The following PUM3 variants were observed in gnomAD, a reference collection of about 807,000 sequenced individuals.
The protein encoded by PUM3 is pumilio RNA binding family member 3, also known as pumilio homolog 3.
A neutral mutation model predicts 84.0 loss-of-function variants in PUM3; 91 were observed. The ratio of observed to expected loss-of-function variants is 1.08; its 90% CI spans 0.91 to 1.29. PUM3 has a LOEUF of 1.29. Among genes scored for constraint, PUM3 ranks in the 50% most tolerant of loss-of-function variants. The probability of loss-of-function intolerance (pLI) is 0.00; values close to 1 mark genes in which losing one functional copy is unlikely to be tolerated. For synonymous variants in PUM3, 321 were observed against 266.7 expected, an observed-to-expected ratio of 1.20 and a Z score of -1.98; for missense variants, 1,067 against 767.5, an observed-to-expected ratio of 1.39 and a Z score of -4.61.
rs140594186 is a variant in PUM3, at chr9:2,838,350, C to T, written c.82+76G>A. The stretch of plus-strand genomic sequence containing the variant: ...TAATCCTAATCCTAGCCAATGAATA[C>T]AGATTGAAATTTACTACATGCCCTC... On this transcript the variant is annotated intron_variant, in intron 2 of 17. Transcript: ENST00000397885. 283 of 947,714 alleles carry T rather than the reference C, an allele frequency of 3.0e-4. 1 individual carries two copies. The African/African-American group carries it at 4.0e-3, about 13-fold the overall frequency. 58.7% of individuals were successfully genotyped at this position (947,714 alleles called of 1,614,324 possible). A position where few individuals can be genotyped will look rare whatever the true frequency, so the allele number is the denominator to read the frequency against.
intron 7 of PUM3, among the ~76,000 whole-genome samples, chr9:2,830,685 G>C (rs961595913): frequency 2.0e-5 from 3 of 152,132 alleles, no homozygotes; most frequent in Non-Finnish European, 4.4e-5. Context: ...CAAATCAGAA[G>C]GTGAGGGTAT....
chr9:2,843,285 G>T (rs1017972519), intron 1 of PUM3, among the ~76,000 whole-genome samples: 3 of 151,986 alleles, frequency 2.0e-5, no homozygotes, highest in Non-Finnish European at 2.9e-5. Flanking sequence ...CAGGAACTTA[G>T]CCCATTATCG....
chr9:2,808,037 CCTTTT>C, intron 16 of PUM3, 133 bp from the exon 17 acceptor site: 1 of 606,246 alleles, frequency 1.6e-6, no homozygotes, highest in Admixed American at 3.1e-5. Flanking sequence ...ACCCAATCTC[CCTTTT>C]AACACAAAAA....
At chr9:2,834,878 T>G (rs544631911) in intron 3 of PUM3, among the ~76,000 whole-genome samples, 57 of 152,234 alleles carry the variant, frequency 3.7e-4, no homozygotes, top group African/African-American at 1.3e-3. Context: ...AACTTACCAA[T>G]TGAACTAATG....
At chr9:2,819,667 T>TTA (rs1384838338) in intron 13 of PUM3, among the ~76,000 whole-genome samples, 1 of 152,206 alleles carries the variant, frequency 6.6e-6, no homozygotes, top group African/African-American at 2.4e-5. Flanking sequence ...AACTAAGGAA[T>TTA]TACTATGCTA....
chr9:2,804,960 A>G (rs563374722), intron 17 of PUM3, among the ~76,000 whole-genome samples: 2 of 152,072 alleles, frequency 1.3e-5, no homozygotes, highest in South Asian at 4.2e-4. Context: ...TTCTCACTGA[A>G]CTCCACAGCA....
intron 13 of PUM3, among the ~76,000 whole-genome samples, chr9:2,818,928 A>C (rs374690685): frequency 1.3e-5 from 2 of 152,330 alleles, no homozygotes; most frequent in African/African-American, 2.4e-5. Flanking sequence ...AGAGACCACA[A>C]CACCACCACC....
In PUM3 at chr9:2,804,433, T is replaced by G; in HGVS notation, c.1845A>C (p.Ala615=). 6.2e-7 allele frequency: 1 copy of G among 1,614,066 alleles called. No homozygotes were observed. The highest frequency in any genetic ancestry group is 2.2e-5 in the East Asian group (1 of 44,874). The part of the protein sequence containing the change: ...SLLQSCDLEV[A]NKVKAALKSL... ...TTTTCAGTGCAGCTTTGACTTTGTT[T>G]GCAACTTCCAGGTCACAACTCTGGA... is the stretch of plus-strand genomic sequence containing the variant. Residue 615 remains alanine, a synonymous_variant, in exon 18 of 18, where the codon GCA becomes GCC. Transcript: ENST00000397885.
chr9:2,833,275 T>C (rs1816031058), intron 5 of PUM3, 82 bp downstream of exon 5: 3 of 631,302 alleles, frequency 4.8e-6, no homozygotes, highest in Admixed American at 6.2e-5. Flanking sequence ...GATAAGATCA[T>C]CTGTCATGAA....
chr9:2,829,573 A>T (rs1419994144), intron 8 of PUM3, among the ~76,000 whole-genome samples: 1 of 152,242 alleles, frequency 6.6e-6, no homozygotes, highest in South Asian at 2.1e-4. Flanking sequence ...GGGGATTTAA[A>T]GCCAATGCTC....
At position 2,843,448 on chromosome 9, in the gene PUM3, G is replaced by GTT. The variant is rs368826737; in HGVS notation, c.-11+595_-11+596dup. The stretch of plus-strand genomic sequence containing the variant: ...CAAACCGCCTAGCACTGGAGTTGGG[G>GTT]TTTGTGAAGTAGCACAGACAGGCTG... On this transcript the variant is annotated intron_variant, in intron 1 of 17. Transcript: ENST00000397885. Among the ~76,000 whole-genome samples, 632 of 152,248 alleles carry GTT rather than the reference G, an allele frequency of 4.2e-3. 3 individuals carry two copies. Among genetic ancestry groups the GTT allele is most frequent in the African/African-American group, 0.015 (612 of 41,534 alleles).
intron 16 of PUM3, among the ~76,000 whole-genome samples, chr9:2,810,072 C>T (rs1320596801): frequency 8.0e-6 from 1 of 125,692 alleles, no homozygotes; most frequent in East Asian, 2.3e-4. Context: ...TGCAGCAGCA[C>T]AGGAAGGAAA....
At chr9:2,821,914 A>G (rs1317671288) in intron 12 of PUM3, among the ~76,000 whole-genome samples, 1 of 152,214 alleles carries the variant, frequency 6.6e-6, no homozygotes, top group East Asian at 1.9e-4. Context: ...ACACGATGAA[A>G]TATTACAGTC....
chr9:2,819,764 A>G (rs1269968637), intron 13 of PUM3, among the ~76,000 whole-genome samples: 1 of 152,224 alleles, frequency 6.6e-6, no homozygotes, highest in Non-Finnish European at 1.5e-5. Context: ...ATCCTAATCC[A>G]AAATAAAAGT....
intron 9 of PUM3, 84 bp downstream of exon 9, chr9:2,828,591 C>G (rs1815885541): frequency 3.8e-6 from 3 of 796,898 alleles, no homozygotes; most frequent in East Asian, 5.0e-5. Flanking sequence ...CAGGAAATAG[C>G]TACCTCTTCT....
chr9:2,843,541 C>G (rs1181216401), intron 1 of PUM3, among the ~76,000 whole-genome samples: 1 of 149,152 alleles, frequency 6.7e-6, no homozygotes, highest in East Asian at 2.0e-4. Context: ...CGCAGGGCAA[C>G]GTGGTGGGAG....
chr9:2,805,810 G>A (rs999732377), intron 17 of PUM3, among the ~76,000 whole-genome samples: 2 of 151,612 alleles, frequency 1.3e-5, no homozygotes, highest in East Asian at 3.9e-4. Context: ...TTACCACCAA[G>A]AAAATTAAGG....
chr9:2,828,749 C>G lies in PUM3; in HGVS notation c.882G>C (p.Val294=). ...CTAATTTTTCTGGCTGTACCTCTAA[C>G]ACTTTGTCCAGAGTTCGGTGATCTG... is the stretch of plus-strand genomic sequence containing the variant. ...KSADHRTLDK[V]LEVQPEKLEL... The change falls in exon 9 of 18, where the codon GTG becomes GTC. Residue 294 remains valine (V), a synonymous_variant. Transcript: ENST00000397885. The G allele has an allele frequency of 6.2e-7, 1 of 1,605,996 alleles. No homozygotes were observed. The highest frequency in any genetic ancestry group is 2.2e-5 in the East Asian group (1 of 44,810).
In PUM3 at chr9:2,833,346, A is replaced by G. The variant is rs1408087890; in HGVS notation, c.516+11T>C. 1.3e-6 allele frequency: 2 copies of G among 1,485,086 alleles called. No individual in the cohort carries two copies. The highest frequency in any genetic ancestry group is 1.9e-6 in the Non-Finnish European group (2 of 1,067,148). The allele number at this position is 1,485,086 out of a possible 1,614,324, so 92.0% of individuals were successfully genotyped here. ...TGTTAAAAATTGCAACAATGAGTAT[A>G]TGCTACTTACAGTTTTAATTTTCCC... On this transcript the variant is annotated intron_variant, in intron 5 of 17. Transcript: ENST00000397885.
Sources: allele counts gnomAD v4.1 joint callset (sites outside exome capture counted in the v4.1 genomes callset), GRCh38; gene constraint gnomAD v4.1.1; transcripts MANE v1.5; gene names NCBI Gene and HGNC (gene_info 2026-07-23, HGNC 2026-07-21).